Variants in IFIH1 observed in about 807,000 individuals in gnomAD.
IFIH1 encodes the protein interferon-induced helicase C domain-containing protein 1.
IFIH1 carries 125 observed loss-of-function variants against 107.4 expected under a neutral mutation model. The ratio of observed to expected loss-of-function variants is 1.16; its 90% CI spans 1.01 to 1.35. IFIH1 has a LOEUF of 1.35. Among genes scored for constraint, IFIH1 ranks in the 40% most tolerant of loss-of-function variants. The probability of loss-of-function intolerance (pLI) is 0.00; values close to 1 mark genes in which losing one functional copy is unlikely to be tolerated. For missense variants in IFIH1, 1,333 were observed against 1,213.7 expected (o/e 1.10, Z -1.46); for synonymous variants, 458 against 413.2 (o/e 1.11, Z -1.31).
chr2:162,296,504 T>G (rs1357190877), intron 3 of IFIH1, among the ~76,000 whole-genome samples: 3 of 152,112 alleles, frequency 2.0e-5, no homozygotes, highest in Admixed American at 2.0e-4. Context: ...ACAGCTACAG[T>G]GGGGCAGAAT....
At chr2:162,272,425 G>A (rs762241609) in intron 12 of IFIH1, 38 bp from the exon 13 acceptor site, 19 of 1,572,084 alleles carry the variant, frequency 1.2e-5, no homozygotes, top group Middle Eastern at 1.7e-4. Context: ...GAAAGGGTAC[G>A]TTGTGATACA....
In IFIH1 at chr2:162,281,087, C is replaced by G. The variant is rs565484759; in HGVS notation, c.1524+241G>C. 1.6e-4 allele frequency among the ~76,000 whole-genome samples: 24 copies of G among 152,108 alleles called. No individual in the cohort carries two copies. In the East Asian group the frequency reaches 4.5e-3, roughly 28 times the overall value. ...TCAAAAGAAGGCATTCTATTTATCT[C>G]AACTTCCCATTAATTATATCACTCT... On this transcript the variant is annotated intron_variant, in intron 7 of 15. Transcript: ENST00000649979.
chr2:162,314,396 CTCCTTTCTTTCTTTCTTTCTT>C lies in IFIH1; in HGVS notation c.453+3438_453+3458del, dbSNP rs1223725033. ...CCTCCCTCCCTCCCTCCCTCCCTCC[CTCCTTTCTTTCTTTCTTTCTT>C]TTCTTTCTTTCTTTCTTTCTTTCTT... On this transcript the variant is annotated intron_variant, in intron 1 of 15. Coordinates refer to ENST00000649979, the MANE Select transcript of IFIH1 (RefSeq NM_022168.4). 6.1e-4 allele frequency among the ~76,000 whole-genome samples: 41 copies of C among 66,704 alleles called. 2 individuals are homozygous for C. Among genetic ancestry groups the C allele is most frequent in the East Asian group, 5.3e-3 (9 of 1,684 alleles). The allele number at this position is 66,704 out of a possible 152,430, so 43.8% of individuals were successfully genotyped here. A position where few individuals can be genotyped will look rare whatever the true frequency, so the allele number is the denominator to read the frequency against.
rs1558877548 is a variant in IFIH1 at position 162,314,458 on chromosome 2, TTCTTTCTTTCTTTCTTTCTTTCTTTC to T, written c.453+3371_453+3396del. Among the ~76,000 whole-genome samples the T allele has an allele frequency of 4.6e-4, 58 of 126,924 alleles. 8 individuals are homozygous for T. Among genetic ancestry groups the T allele is most frequent in the African/African-American group, 2.1e-3 (58 of 27,488 alleles). The allele number at this position is 126,924 out of a possible 152,430, so 83.3% of individuals were successfully genotyped here. On this transcript the variant is annotated intron_variant, in intron 1 of 15. Transcript: ENST00000649979. The stretch of plus-strand genomic sequence containing the variant: ...TTTCTTTCTTTCTTTCTTTCTTTCT[TTCTTTCTTTCTTTCTTTCTTTCTTTC>T]TTTTTCTTTCTCTCTTTCTTATTAG...
rs1265490191 is a variant in IFIH1 at position 162,272,214 on chromosome 2, G to T, written c.2616+12C>A. The T allele has an allele frequency of 1.2e-6, 2 of 1,605,166 alleles. No individual in the cohort carries two copies. The highest frequency in any genetic ancestry group is 1.7e-5 in the Admixed American group (1 of 59,216). ...TTAAATGAAAATCAAATTCAGAGGT[G>T]ACCAACAATACCTTATGAGCATACT... On this transcript the variant is annotated intron_variant, in intron 13 of 15. Transcript: ENST00000649979.
At chr2:162,281,569 C>A in intron 6 of IFIH1, 24 bp from the exon 7 acceptor site, 4 of 1,516,082 alleles carry the variant, frequency 2.6e-6, no homozygotes, top group South Asian at 2.3e-5. Context: ...TCAAAGAGTT[C>A]ATTTCTCCAT....
intron 4 of IFIH1, among the ~76,000 whole-genome samples, chr2:162,289,993 A>G (rs1391288100): frequency 6.6e-6 from 1 of 151,924 alleles, no homozygotes; most frequent in African/African-American, 2.4e-5. Context: ...CAAAACCATG[A>G]TATTTCACCT....
Position 162,277,401 on chromosome 2 carries a change from A to C in IFIH1, c.2044+14T>G. The C allele has an allele frequency of 6.3e-7, 1 of 1,583,522 alleles. No individual in the cohort carries two copies. The highest frequency in any genetic ancestry group is 8.7e-7 in the Non-Finnish European group (1 of 1,154,718). On this transcript the variant is annotated intron_variant, in intron 10 of 15. Coordinates refer to ENST00000649979, the MANE Select transcript of IFIH1 (RefSeq NM_022168.4). ...TAAATGAATGACACCAGTATATGTT[A>C]CTTTGAATCTTACCAAAAAATAAAG...
chr2:162,279,931 C>G (rs1682775563), intron 8 of IFIH1, 65 bp downstream of exon 8: 1 of 888,398 alleles, frequency 1.1e-6, no homozygotes, highest in African/African-American at 1.7e-5. Flanking sequence ...TATAAAATAG[C>G]CTTTGCCATC....
intron 1 of IFIH1, among the ~76,000 whole-genome samples, chr2:162,311,612 TTC>T (rs1366605119): frequency 6.6e-6 from 1 of 152,158 alleles, no homozygotes; most frequent in African/African-American, 2.4e-5. Flanking sequence ...TTCTTTTATT[TTC>T]TCTTTTAGAT....
intron 5 of IFIH1, among the ~76,000 whole-genome samples, chr2:162,285,631 C>T (rs986813434): frequency 2.6e-5 from 4 of 151,810 alleles, no homozygotes; most frequent in African/African-American, 9.7e-5. Flanking sequence ...GTCCACACAA[C>T]AATGCAGTGA....
At position 162,282,654 on chromosome 2, in the gene IFIH1, G is replaced by T. The variant is rs997964476; in HGVS notation, c.1096-78C>A. On this transcript the variant is annotated intron_variant, in intron 5 of 15. Coordinates refer to ENST00000649979, the MANE Select transcript of IFIH1 (RefSeq NM_022168.4). ...AGAGTGTTGATCAAAGGCCTGTTTG[G>T]CATCCAGCATGAAAAGAGGTGTTTA... The T allele has an allele frequency of 8.7e-5, 74 of 850,128 alleles. No individual in the cohort carries two copies. The Admixed American group carries it at 1.6e-3, about 18-fold the overall frequency. The allele number at this position is 850,128 out of a possible 1,614,324, so 52.7% of individuals were successfully genotyped here.
chr2:162,306,889 T>A (rs1430231619), intron 2 of IFIH1, 34 bp from the exon 3 acceptor site: 2 of 1,604,684 alleles, frequency 1.2e-6, no homozygotes, highest in Non-Finnish European at 1.7e-6. Context: ...CAAATCATAG[T>A]GCCATACAAG....
At position 162,310,855 on chromosome 2, in the gene IFIH1, A is replaced by G. The variant is rs1446872167; in HGVS notation, c.532T>C (p.Phe178Leu). The G allele has an allele frequency of 6.2e-7, 1 of 1,613,006 alleles. No individual in the cohort carries two copies. The highest frequency in any genetic ancestry group is 1.7e-5 in the Admixed American group (1 of 60,008). ...LKRIVQKENW[F>L]SAFLNVLRQT... Reference sequence around the variant, plus strand: ...CGAAGAACATTCAGAAATGCAGAGAACCAGTTTTCTTTCTGCACAATCCTT... The same window carrying G: ...CGAAGAACATTCAGAAATGCAGAGAGCCAGTTTTCTTTCTGCACAATCCTT... Residue 178 changes from phenylalanine to leucine, a missense_variant, in exon 2 of 16, where the codon TTC becomes CTC. Physicochemically the swap from Phe to Leu is conservative, Grantham distance 22. Coordinates refer to ENST00000649979, the MANE Select transcript of IFIH1 (RefSeq NM_022168.4).
In IFIH1 at chr2:162,287,937, A is replaced by G. The variant is rs7591660; in HGVS notation, c.1095+198T>C. 0.15 allele frequency among the ~76,000 whole-genome samples: 22,222 copies of G among 151,922 alleles called. 3,888 individuals carry two copies. The highest frequency in any genetic ancestry group is 0.4 in the African/African-American group (16,406 of 41,378). ...TTGGTATAATGTCCTAGTTTTATTG[A>G]AAAATTTCTATTTTCAGGTTCATCA... On this transcript the variant is annotated intron_variant, in intron 5 of 15. Coordinates refer to ENST00000649979, the MANE Select transcript of IFIH1 (RefSeq NM_022168.4).
At chr2:162,301,874 T>G (rs968475894) in intron 3 of IFIH1, among the ~76,000 whole-genome samples, 1 of 152,334 alleles carries the variant, frequency 6.6e-6, no homozygotes, top group Middle Eastern at 3.4e-3. Flanking sequence ...GCATCCAGCA[T>G]TAAATTGCCA....
Position 162,282,586 on chromosome 2 carries a change from A to G in IFIH1, c.1096-10T>C. On this transcript the variant is annotated splice_polypyrimidine_tract_variant and intron_variant, in intron 5 of 15. Transcript: ENST00000649979. ...GTTCAACTAGCAGTACCTTAAAAAAATGTGAAGATTTTTTAAAAGAGAGAA... is the reference window on the plus strand; with the variant it reads ...GTTCAACTAGCAGTACCTTAAAAAAGTGTGAAGATTTTTTAAAAGAGAGAA... The G allele has an allele frequency of 1.3e-6, 2 of 1,578,422 alleles. No homozygotes were observed. Among genetic ancestry groups the G allele is most frequent in the Non-Finnish European group, 8.6e-7 (1 of 1,156,956 alleles).
Position 162,288,501 on chromosome 2 carries a change from T to C in IFIH1, c.875-146A>G, listed in dbSNP as rs116635847. ...ATTCATTTTCTCTTTTCTGTACCAATTAATGTCTGCTCTCTGCATCTGCAG... is the reference window on the plus strand; with the variant it reads ...ATTCATTTTCTCTTTTCTGTACCAACTAATGTCTGCTCTCTGCATCTGCAG... On this transcript the variant is annotated intron_variant, in intron 4 of 15. Coordinates refer to ENST00000649979, the MANE Select transcript of IFIH1 (RefSeq NM_022168.4). 4.3e-3 allele frequency: 2,704 copies of C among 623,046 alleles called. 12 individuals are homozygous for C. Among genetic ancestry groups the C allele is most frequent in the Non-Finnish European group, 6.4e-3 (2,259 of 355,646 alleles). 38.6% of individuals were successfully genotyped at this position (623,046 alleles called of 1,614,324 possible).
chr2:162,272,946 G>A (rs550033251), intron 12 of IFIH1, among the ~76,000 whole-genome samples: 1 of 152,240 alleles, frequency 6.6e-6, no homozygotes, highest in African/African-American at 2.4e-5. Context: ...TCTGTGGCCT[G>A]GCCCAGGAGC....
Sources: allele counts gnomAD v4.1 joint callset (sites outside exome capture counted in the v4.1 genomes callset), GRCh38; gene constraint gnomAD v4.1.1; transcripts MANE v1.5; gene names NCBI Gene and HGNC (gene_info 2026-07-23, HGNC 2026-07-21).